The following HNF4G variants were observed in gnomAD, a reference collection of about 807,000 sequenced individuals.
HNF4G encodes hepatocyte nuclear factor 4 gamma.
Under a neutral mutation model 50.9 loss-of-function variants are expected in HNF4G, and 21 were observed. The observed-to-expected ratio is 0.41, with a 90% confidence interval of 0.29 to 0.59. The LOEUF (loss-of-function observed/expected upper bound fraction) is 0.59, where lower values mean the gene tolerates loss of function less well. HNF4G is among the 20% of genes least tolerant of loss of function. HNF4G has a pLI of 0.26. For missense variants in HNF4G, 527 were observed against 559.4 expected (o/e 0.94, Z 0.58); for synonymous variants, 198 against 185.6 (o/e 1.07, Z -0.54).
chr8:75,513,938 A>C (rs1266231842), intron 2 of HNF4G, among the ~76,000 whole-genome samples: 1 of 152,008 alleles, frequency 6.6e-6, no homozygotes, highest in Non-Finnish European at 1.5e-5. Flanking sequence ...AATGTTCATG[A>C]ATCATTGACA....
intron 1 of HNF4G, among the ~76,000 whole-genome samples, chr8:75,428,977 T>C (rs1216735186): frequency 6.6e-6 from 1 of 152,302 alleles, no homozygotes; most frequent in Admixed American, 6.5e-5. Context: ...CAGATCATGA[T>C]AGCTTAACGG....
chr8:75,481,331 T>C (rs1203678028), intron 1 of HNF4G, among the ~76,000 whole-genome samples: 1 of 152,224 alleles, frequency 6.6e-6, no homozygotes, highest in African/African-American at 2.4e-5. Context: ...CTTCTGGAAC[T>C]GCCTTATACT....
intron 1 of HNF4G, among the ~76,000 whole-genome samples, chr8:75,445,692 C>A (rs1352804888): frequency 0.039 from 5,058 of 128,764 alleles, 135 homozygotes; most frequent in African/African-American, 0.13. Context: ...GAAATGGATA[C>A]ATTCCTCGAC....
At chr8:75,502,326 C>T (rs1429589312) in intron 2 of HNF4G, among the ~76,000 whole-genome samples, 7 of 152,068 alleles carry the variant, frequency 4.6e-5, no homozygotes, top group Non-Finnish European at 7.4e-5. Flanking sequence ...TGAGGATACC[C>T]TGTATAAACA....
chr8:75,437,508 ACTAT>A (rs1014198324), intron 1 of HNF4G, among the ~76,000 whole-genome samples: 11 of 152,282 alleles, frequency 7.2e-5, no homozygotes, highest in Middle Eastern at 3.4e-3. Flanking sequence ...GGGGCCTTAA[ACTAT>A]CTAGGACAAA....
chr8:75,477,551 TA>T (rs1323049246), intron 1 of HNF4G, among the ~76,000 whole-genome samples: 2 of 152,128 alleles, frequency 1.3e-5, no homozygotes, highest in African/African-American at 2.4e-5. Flanking sequence ...TGTTAATATT[TA>T]AAATAGGACC....
intron 1 of HNF4G, among the ~76,000 whole-genome samples, chr8:75,456,443 T>C (rs1482162463): frequency 6.6e-6 from 1 of 152,158 alleles, no homozygotes; most frequent in Non-Finnish European, 1.5e-5. Flanking sequence ...CCTGAGAGCA[T>C]GGTCCTCTGA....
At chr8:75,527,938 A>C (rs573699009) in intron 2 of HNF4G, among the ~76,000 whole-genome samples, 1 of 152,330 alleles carries the variant, frequency 6.6e-6, no homozygotes, top group East Asian at 1.9e-4. Flanking sequence ...GGAATTTAGT[A>C]GTTCAGAGAA....
chr8:75,559,134 G>T lies in HNF4G; in HGVS notation c.1123+97G>T, dbSNP rs1188079209. On this transcript the variant is annotated intron_variant, in intron 8 of 9. Transcript: ENST00000396423. Reference sequence around the variant, plus strand: ...TTTGTCCATATTTAATTCATCTACTGAAGTTGCTGTGATGCTCCTGAATTT... The same window carrying T: ...TTTGTCCATATTTAATTCATCTACTTAAGTTGCTGTGATGCTCCTGAATTT... The T allele has an allele frequency of 3.6e-6, 3 of 826,644 alleles. No homozygotes were observed. In the East Asian group the frequency reaches 7.3e-5, roughly 20 times the overall value. The allele number at this position is 826,644 out of a possible 1,614,324, so 51.2% of individuals were successfully genotyped here. A position where few individuals can be genotyped will look rare whatever the true frequency, so the allele number is the denominator to read the frequency against.
intron 1 of HNF4G, among the ~76,000 whole-genome samples, chr8:75,449,423 T>C (rs1185029011): frequency 6.6e-6 from 1 of 152,040 alleles, no homozygotes; most frequent in Non-Finnish European, 1.5e-5. Context: ...TACTACATGA[T>C]GTCTTGATAT....
intron 1 of HNF4G, among the ~76,000 whole-genome samples, chr8:75,423,661 A>C (rs922900533): frequency 4.6e-5 from 7 of 151,800 alleles, no homozygotes; most frequent in Non-Finnish European, 1.0e-4. Context: ...AAGTGCTGGG[A>C]TTACAGGCGT....
intron 1 of HNF4G, among the ~76,000 whole-genome samples, chr8:75,426,941 T>C (rs1253388579): frequency 6.6e-6 from 1 of 152,208 alleles, no homozygotes; most frequent in Non-Finnish European, 1.5e-5. Flanking sequence ...CAATGATTAA[T>C]TTTTAATGCA....
chr8:75,528,933 G>C (rs1462238898), intron 2 of HNF4G, among the ~76,000 whole-genome samples: 1 of 152,096 alleles, frequency 6.6e-6, no homozygotes, highest in Non-Finnish European at 1.5e-5. Flanking sequence ...GGCAGAAGGC[G>C]AAGCAGGACA....
intron 4 of HNF4G, among the ~76,000 whole-genome samples, chr8:75,552,157 C>T (rs1806979260): frequency 6.6e-6 from 1 of 151,828 alleles, no homozygotes; most frequent in East Asian, 1.9e-4. Flanking sequence ...ATAAAATTGC[C>T]AAGTAGTTAA....
chr8:75,556,043 T>C lies in HNF4G; in HGVS notation c.707T>C (p.Met236Thr). 1.3e-6 allele frequency: 2 copies of C among 1,577,932 alleles called. No homozygotes were observed. Among genetic ancestry groups the C allele is most frequent in the Non-Finnish European group, 1.7e-6 (2 of 1,162,640 alleles). The change falls in exon 6 of 10, where the codon ATG becomes ACG. Residue 236 changes from methionine (M) to threonine (T), a missense_variant. Physicochemically the swap from Met to Thr is moderately conservative, Grantham distance 81. Transcript: ENST00000396423. ...HLLLGATKRS[M>T]MYKDILLLGN... ...CTGCTTGGAGCTACAAAGAGATCCATGATGTATAAAGATATTTTGCTTTTG... is the reference window on the plus strand; with the variant it reads ...CTGCTTGGAGCTACAAAGAGATCCACGATGTATAAAGATATTTTGCTTTTG...
intron 8 of HNF4G, 21 bp from the exon 9 acceptor site, chr8:75,560,323 G>C: frequency 6.2e-7 from 1 of 1,610,570 alleles, no homozygotes; most frequent in Non-Finnish European, 8.5e-7. Flanking sequence ...CACTAACACA[G>C]CATCTTTTTA....
In HNF4G at chr8:75,560,933, A is replaced by G. The variant is rs1057301123; in HGVS notation, c.1246+467A>G. Among the ~76,000 whole-genome samples, 3 of 152,216 alleles carry G rather than the reference A, an allele frequency of 2.0e-5. No homozygotes were observed. The East Asian group carries it at 5.8e-4, about 29-fold the overall frequency. Reference sequence around the variant, plus strand: ...TGTAGAATTCAATACAAAACATTTCAGTTGGTACACTGTAATTAAAACATT... The same window carrying G: ...TGTAGAATTCAATACAAAACATTTCGGTTGGTACACTGTAATTAAAACATT... On this transcript the variant is annotated intron_variant, in intron 9 of 9. Coordinates refer to ENST00000396423, the MANE Select transcript of HNF4G (RefSeq NM_004133.5).
intron 1 of HNF4G, among the ~76,000 whole-genome samples, chr8:75,453,292 A>G (rs1811630873): frequency 1.3e-5 from 2 of 152,178 alleles, no homozygotes; most frequent in South Asian, 2.1e-4. Flanking sequence ...AAATGCACCA[A>G]TCAGTGCTCT....
chr8:75,472,781 G>T (rs534609087), intron 1 of HNF4G, among the ~76,000 whole-genome samples: 1 of 152,130 alleles, frequency 6.6e-6, no homozygotes, highest in Non-Finnish European at 1.5e-5. Context: ...ATGAGGGCAG[G>T]AATTTCTTTG....
Sources: allele counts gnomAD v4.1 joint callset (sites outside exome capture counted in the v4.1 genomes callset), GRCh38; gene constraint gnomAD v4.1.1; transcripts MANE v1.5; gene names NCBI Gene and HGNC (gene_info 2026-07-23, HGNC 2026-07-21).